The following DCLK2 variants were observed in gnomAD, a reference collection of about 807,000 sequenced individuals.
DCLK2 encodes doublecortin like kinase 2.
DCLK2 carries 31 observed loss-of-function variants against 78.4 expected under a neutral mutation model. The observed-to-expected ratio is 0.40, with a 90% confidence interval of 0.30 to 0.53. The LOEUF (loss-of-function observed/expected upper bound fraction) is 0.53, where lower values mean the gene tolerates loss of function less well. Among genes scored for constraint, DCLK2 ranks in the 20% least tolerant of loss-of-function variants. DCLK2 has a pLI of 0.61. For missense variants in DCLK2, 872 were observed against 973.7 expected, an observed-to-expected ratio of 0.90 and a Z score of 1.39; for synonymous variants, 407 against 374.9, an observed-to-expected ratio of 1.09 and a Z score of -0.99.
chr4:150,221,855 A>T (rs1045779169), intron 7 of DCLK2, 70 bp downstream of exon 7: 1 of 1,026,718 alleles, frequency 9.7e-7, no homozygotes, highest in Non-Finnish European at 1.4e-6. Flanking sequence ...TCATCTACAG[A>T]TACAGTTTTC....
Position 150,165,646 on chromosome 4 carries a change from T to G in DCLK2, c.757-27492T>G, listed in dbSNP as rs201063951. ...AAAAAGTAAGCAGAAACCTTAAACC[T>G]TAGATTGTTAGGTTTGTGAGTCCTC... On this transcript the variant is annotated intron_variant, in intron 2 of 15. Coordinates refer to ENST00000296550, the MANE Select transcript of DCLK2 (RefSeq NM_001040260.4). 1.8e-4 allele frequency among the ~76,000 whole-genome samples: 28 copies of G among 152,340 alleles called. No homozygotes were observed. The East Asian group carries it at 5.2e-3, about 28-fold the overall frequency.
At chr4:150,153,565 A>G (rs531784794) in intron 2 of DCLK2, among the ~76,000 whole-genome samples, 3 of 74,660 alleles carry the variant, frequency 4.0e-5, no homozygotes, top group Admixed American at 1.2e-4. Flanking sequence ...GTGCCACCAC[A>G]TGCCTGGCTA....
intron 2 of DCLK2, among the ~76,000 whole-genome samples, chr4:150,124,062 G>T (rs1012486428): frequency 4.6e-5 from 7 of 151,620 alleles, no homozygotes; most frequent in African/African-American, 1.7e-4. Flanking sequence ...TTTAAATAAA[G>T]AAGAGCGCCA....
In DCLK2 at chr4:150,247,818, G is replaced by C. The variant is rs1021111806; in HGVS notation, c.1875+119G>C. On this transcript the variant is annotated intron_variant, in intron 13 of 15. Transcript: ENST00000296550. ...AAAGCTCCTTGGCTTTTAATGTGTGGTTCTTCTTTTAAGTTTATCCCATGG... is the reference window on the plus strand; with the variant it reads ...AAAGCTCCTTGGCTTTTAATGTGTGCTTCTTCTTTTAAGTTTATCCCATGG... 13 of 751,516 alleles carry C rather than the reference G, an allele frequency of 1.7e-5. No homozygotes were observed. In the African/African-American group the frequency reaches 2.3e-4, roughly 13 times the overall value. The allele number at this position is 751,516 out of a possible 1,614,324, so 46.6% of individuals were successfully genotyped here.
intron 14 of DCLK2, 73 bp from the exon 15 acceptor site, chr4:150,249,495 G>T: frequency 7.8e-7 from 1 of 1,275,454 alleles, no homozygotes; most frequent in Non-Finnish European, 1.1e-6. Flanking sequence ...CGGGGAGGGG[G>T]ACTCTTAAGG....
chr4:150,248,974 A>C (rs1743534280), intron 14 of DCLK2, among the ~76,000 whole-genome samples: 1 of 152,034 alleles, frequency 6.6e-6, no homozygotes, highest in Non-Finnish European at 1.5e-5. Flanking sequence ...AGGCTCCAGG[A>C]GAGTGAAGTT....
chr4:150,096,763 C>T (rs1730495969), intron 1 of DCLK2, among the ~76,000 whole-genome samples: 1 of 152,132 alleles, frequency 6.6e-6, no homozygotes, highest in South Asian at 2.1e-4. Flanking sequence ...TGGGGCGAGC[C>T]ACATTTCAGC....
Position 150,078,976 on chromosome 4 carries a change from A to T in DCLK2, c.-52A>T, listed in dbSNP as rs2150123420. On this transcript the variant is annotated 5_prime_UTR_variant, in exon 1 of 16. Transcript: ENST00000296550. ...CAGACGTCCCTGCACCGGCGCTCGC[A>T]CCCTTAGTCGGCCCGGAACGTCTTT... The T allele has an allele frequency of 6.7e-7, 1 of 1,485,872 alleles. No individual in the cohort carries two copies. The highest frequency in any genetic ancestry group is 1.4e-5 in the African/African-American group (1 of 69,720). The allele number at this position is 1,485,872 out of a possible 1,614,324, so 92.0% of individuals were successfully genotyped here.
At chr4:150,136,414 G>A (rs998656172) in intron 2 of DCLK2, among the ~76,000 whole-genome samples, 3 of 152,144 alleles carry the variant, frequency 2.0e-5, no homozygotes, top group Non-Finnish European at 4.4e-5. Flanking sequence ...GAAGTACCTG[G>A]GATGGAGAAG....
chr4:150,192,147 A>G (rs1738499462), intron 2 of DCLK2, among the ~76,000 whole-genome samples: 1 of 152,122 alleles, frequency 6.6e-6, no homozygotes, highest in Admixed American at 6.6e-5. Flanking sequence ...GTGGAACTGA[A>G]ACTAATACAG....
intron 2 of DCLK2, among the ~76,000 whole-genome samples, chr4:150,123,755 C>T (rs996019414): frequency 1.3e-5 from 2 of 152,038 alleles, no homozygotes; most frequent in Middle Eastern, 3.2e-3. Flanking sequence ...TAAAAATTAA[C>T]GTTGGACTGG....
At chr4:150,205,430 G>T (rs1407880960) in intron 5 of DCLK2, among the ~76,000 whole-genome samples, 1 of 152,178 alleles carries the variant, frequency 6.6e-6, no homozygotes, top group Non-Finnish European at 1.5e-5. Flanking sequence ...CAGAATTTGG[G>T]CTGAGACTAG....
intron 15 of DCLK2, among the ~76,000 whole-genome samples, chr4:150,254,637 C>T (rs1744432237): frequency 6.6e-6 from 1 of 152,158 alleles, no homozygotes; most frequent in African/African-American, 2.4e-5. Flanking sequence ...CACAGTTACC[C>T]TTTCTCCAGG....
chr4:150,150,237 A>G (rs2150227673), intron 2 of DCLK2, among the ~76,000 whole-genome samples: 1 of 152,356 alleles, frequency 6.6e-6, no homozygotes, highest in Non-Finnish European at 1.5e-5. Context: ...TGAAGAGAGT[A>G]TGTGCTGTAC....
rs1207181595 is a variant in DCLK2 at position 150,193,172 on chromosome 4, A to G, written c.791A>G (p.Asp264Gly). 6.2e-7 allele frequency: 1 copy of G among 1,610,494 alleles called. No individual in the cohort carries two copies. ...TCLQDFFGDD[D>G]VFIACGPEKF... is the part of the protein sequence containing the mutation. ...CTGCAAGACTTTTTTGGTGATGACGATGTTTTTATTGCATGTGGACCAGAA... is the reference window on the plus strand; with the variant it reads ...CTGCAAGACTTTTTTGGTGATGACGGTGTTTTTATTGCATGTGGACCAGAA... Residue 264 changes from aspartate (D) to glycine (G), a missense_variant, in exon 3 of 16, where the codon GAT becomes GGT. Coordinates refer to ENST00000296550, the MANE Select transcript of DCLK2 (RefSeq NM_001040260.4).
At position 150,079,297 on chromosome 4, in the gene DCLK2, C is replaced by G. The variant is rs1394444423; in HGVS notation, c.270C>G (p.Ala90=). The G allele has an allele frequency of 5.0e-6, 8 of 1,597,944 alleles. No homozygotes were observed. In the East Asian group the frequency reaches 1.6e-4, roughly 32 times the overall value. Residue 90 remains alanine, a synonymous_variant, in exon 1 of 16, where the codon GCC becomes GCG. Transcript: ENST00000296550. ...GDRYFKGLVF[A]ISSDRFRSFD... is the part of the protein sequence containing the mutation. ...GCTACTTCAAGGGCCTGGTGTTTGC[C>G]ATCTCCAGCGACCGCTTCCGGTCCT...
intron 15 of DCLK2, chr4:150,253,186 A>T (rs1268498915): frequency 4.1e-6 from 2 of 491,674 alleles, no homozygotes; most frequent in Non-Finnish European, 8.3e-6. Flanking sequence ...TACATTAAAA[A>T]TAACCTCAAA....
intron 12 of DCLK2, among the ~76,000 whole-genome samples, chr4:150,242,490 G>C (rs1266457928): frequency 6.6e-6 from 1 of 152,240 alleles, no homozygotes; most frequent in Non-Finnish European, 1.5e-5. Flanking sequence ...GAAGTTAGGA[G>C]TGTGAAACAA....
chr4:150,116,424 TC>T (rs1732099835), intron 2 of DCLK2, among the ~76,000 whole-genome samples: 1 of 152,194 alleles, frequency 6.6e-6, no homozygotes, highest in African/African-American at 2.4e-5. Context: ...AGCGGAAAGT[TC>T]AGGGACTCAA....
Sources: gnomAD v4.1 joint callset for allele counts (sites outside exome capture counted in the v4.1 genomes callset) on GRCh38, gnomAD v4.1.1 for gene constraint, MANE v1.5 for transcripts, NCBI Gene and HGNC (gene_info 2026-07-23, HGNC 2026-07-21) for gene names.